DNAAF5: variants seen among roughly 807,000 people sequenced by gnomAD.
DNAAF5 encodes HEAT repeat containing 2.
A neutral mutation model predicts 75.8 loss-of-function variants in DNAAF5; 64 were observed. The ratio of observed to expected loss-of-function variants is 0.84; its 90% CI spans 0.69 to 1.04. The LOEUF is 1.04. Among genes scored for constraint, DNAAF5 ranks in the 50% least tolerant of loss-of-function variants. The probability of loss-of-function intolerance (pLI) is 0.00; values close to 1 mark genes in which losing one functional copy is unlikely to be tolerated. For synonymous variants in DNAAF5, 657 were observed against 557.2 expected (o/e 1.18, Z -2.52); for missense variants, 1,269 against 1,178.5 (o/e 1.08, Z -1.12).
At chr7:727,516 C>T in intron 1 of DNAAF5, 1 of 307,620 alleles carries the variant, frequency 3.3e-6, no homozygotes, top group East Asian at 5.2e-5. Context: ...CTCCCACCAC[C>T]ACTGCTTCCC....
At chr7:768,155 G>C (rs1778405142) in intron 8 of DNAAF5, among the ~76,000 whole-genome samples, 2 of 106,570 alleles carry the variant, frequency 1.9e-5, no homozygotes, top group Admixed American at 2.0e-4. Flanking sequence ...GCTCGCGGCT[G>C]GGAGCGCAGA....
At chr7:743,986 T>C (rs923148382) in intron 4 of DNAAF5, among the ~76,000 whole-genome samples, 2 of 151,732 alleles carry the variant, frequency 1.3e-5, no homozygotes, top group African/African-American at 2.4e-5. Context: ...ATGTGCACAA[T>C]GTGCAGGTTA....
At chr7:783,729 A>T (rs1294422306) in intron 12 of DNAAF5, among the ~76,000 whole-genome samples, 1 of 149,740 alleles carries the variant, frequency 6.7e-6, no homozygotes, top group Non-Finnish European at 1.5e-5. Flanking sequence ...AGCTCCCCAC[A>T]CTCCCTGGCA....
intron 12 of DNAAF5, among the ~76,000 whole-genome samples, chr7:782,184 C>T (rs557009748): frequency 2.8e-4 from 42 of 151,960 alleles, no homozygotes; most frequent in African/African-American, 9.7e-4. Flanking sequence ...TCCCGACACG[C>T]GGCGTCAGAA....
chr7:778,312 CT>C (rs1778830321), intron 11 of DNAAF5: 1 of 152,208 alleles, frequency 6.6e-6, no homozygotes, highest in African/African-American at 2.4e-5. Context: ...CAAAAGGTTC[CT>C]TGAGAGGCCC....
At chr7:731,822 G>A (rs79392314) in intron 2 of DNAAF5, among the ~76,000 whole-genome samples, 2 of 152,188 alleles carry the variant, frequency 1.3e-5, no homozygotes, top group African/African-American at 4.8e-5. Flanking sequence ...GGCCCTTCAC[G>A]TGAGTTTCGT....
Position 741,466 on chromosome 7 carries a change from G to A in DNAAF5, c.1024+1G>A. ...ACCCCACCCCATTACCCTCCACATG[G>A]TGAGTGACCGCGGCAGAGGGGAGCG... is the stretch of plus-strand genomic sequence containing the variant. On this transcript the variant is annotated splice_donor_variant, in intron 4 of 12. Coordinates refer to ENST00000297440, the MANE Select transcript of DNAAF5 (RefSeq NM_017802.4). LOFTEE classifies it high-confidence loss of function. 2 of 1,526,772 alleles carry A rather than the reference G, an allele frequency of 1.3e-6. No homozygotes were observed. Among genetic ancestry groups the A allele is most frequent in the South Asian group, 1.2e-5 (1 of 84,394 alleles). 94.6% of individuals were successfully genotyped at this position (1,526,772 alleles called of 1,614,324 possible).
At chr7:765,111 G>T (rs960913678) in intron 8 of DNAAF5, among the ~76,000 whole-genome samples, 1 of 152,152 alleles carries the variant, frequency 6.6e-6, no homozygotes, top group Admixed American at 6.5e-5. Context: ...ACAGAGCAAG[G>T]CCCTGTCTCT....
Position 780,761 on chromosome 7 carries a change from G to A in DNAAF5, c.2431+617G>A, listed in dbSNP as rs543692053. On this transcript the variant is annotated intron_variant, in intron 12 of 12. Coordinates refer to ENST00000297440, the MANE Select transcript of DNAAF5 (RefSeq NM_017802.4). The stretch of plus-strand genomic sequence containing the variant: ...GGCCACACACCACAGAGCCTTCCAC[G>A]CTCAGTGCATTAAAATCCGCTGGTC... Among the ~76,000 whole-genome samples, 7 of 151,748 alleles carry A rather than the reference G, an allele frequency of 4.6e-5. No homozygotes were observed. In the South Asian group the frequency reaches 1.2e-3, roughly 27 times the overall value.
Position 774,147 on chromosome 7 carries a change from C to G in DNAAF5, c.2031C>G (p.Ala677=), listed in dbSNP as rs371581269. 3 of 1,612,466 alleles carry G rather than the reference C, an allele frequency of 1.9e-6. No homozygotes were observed. The highest frequency in any genetic ancestry group is 1.1e-5 in the South Asian group (1 of 91,078). Residue 677 remains alanine (A), a synonymous_variant, in exon 10 of 13, where the codon GCC becomes GCG. Transcript: ENST00000297440. ...CAGCCGCGGCCATCCGCACGGCTGCCGTGTCCTGCCTCTGGGCGCTCACCA... is the reference window on the plus strand; with the variant it reads ...CAGCCGCGGCCATCCGCACGGCTGCGGTGTCCTGCCTCTGGGCGCTCACCA... ...GRTAAAIRTA[A]VSCLWALTSS...
chr7:740,192 C>T (rs1199861198), intron 2 of DNAAF5, among the ~76,000 whole-genome samples: 1 of 152,214 alleles, frequency 6.6e-6, no homozygotes, highest in Non-Finnish European at 1.5e-5. Context: ...CCGTCTCAGG[C>T]ATTGCCCTTT....
chr7:764,429 G>T (rs1326210844), intron 8 of DNAAF5, among the ~76,000 whole-genome samples: 1 of 152,210 alleles, frequency 6.6e-6, no homozygotes, highest in Non-Finnish European at 1.5e-5. Context: ...GCCCAGTGGG[G>T]CTTCAGCGCG....
At chr7:781,392 C>T (rs901941257) in intron 12 of DNAAF5, among the ~76,000 whole-genome samples, 5 of 152,174 alleles carry the variant, frequency 3.3e-5, no homozygotes, top group Admixed American at 2.0e-4. Flanking sequence ...CCACTGCGTG[C>T]GCTCCACGTT....
intron 4 of DNAAF5, among the ~76,000 whole-genome samples, chr7:746,535 G>A (rs1782116500): frequency 8.0e-6 from 1 of 125,366 alleles, no homozygotes; most frequent in Non-Finnish European, 1.7e-5. Flanking sequence ...CAGCGTCTGT[G>A]TCATCCCTTT....
intron 8 of DNAAF5, 91 bp from the exon 9 acceptor site, chr7:770,380 G>C (rs555376771): frequency 8.0e-7 from 1 of 1,256,424 alleles, no homozygotes. Flanking sequence ...CCCTCTCCCA[G>C]GTGGGAGCGC....
intron 4 of DNAAF5, among the ~76,000 whole-genome samples, chr7:753,373 C>T (rs995839881): frequency 7.9e-5 from 12 of 152,214 alleles, no homozygotes; most frequent in Admixed American, 4.6e-4. Flanking sequence ...GGAGAGTGAA[C>T]GAGAGGCTTC....
chr7:738,466 T>C (rs367742596), intron 2 of DNAAF5, among the ~76,000 whole-genome samples: 1 of 152,158 alleles, frequency 6.6e-6, no homozygotes, highest in African/African-American at 2.4e-5. Flanking sequence ...TGGATGCTCC[T>C]GATGCTTGTG....
chr7:746,780 C>T (rs1470232917), intron 4 of DNAAF5, among the ~76,000 whole-genome samples: 2 of 152,182 alleles, frequency 1.3e-5, no homozygotes, highest in African/African-American at 4.8e-5. Flanking sequence ...TTTTGAGCAG[C>T]ACCGCCTCTG....
intron 6 of DNAAF5, among the ~76,000 whole-genome samples, chr7:757,709 G>A (rs1030931621): frequency 6.6e-6 from 1 of 152,240 alleles, no homozygotes; most frequent in East Asian, 1.9e-4. Flanking sequence ...TTCATTTGAA[G>A]GTGAGTGGTC....
Sources: allele counts gnomAD v4.1 joint callset (sites outside exome capture counted in the v4.1 genomes callset), GRCh38; gene constraint gnomAD v4.1.1; transcripts MANE v1.5; gene names NCBI Gene and HGNC (gene_info 2026-07-23, HGNC 2026-07-21).